The following ST8SIA1 variants were observed in gnomAD, a reference collection of about 807,000 sequenced individuals.
ST8SIA1 encodes the protein ST8 alpha-N-acetyl-neuraminide alpha-2,8-sialyltransferase 1.
A neutral mutation model predicts 35.9 loss-of-function variants in ST8SIA1; 16 were observed. The ratio of observed to expected loss-of-function variants is 0.45; its 90% confidence interval spans 0.30 to 0.68. ST8SIA1 has a LOEUF of 0.68. Ranked by LOEUF, ST8SIA1 falls within the 30% of genes least tolerant of loss-of-function variation. The pLI is 0.09. For missense variants in ST8SIA1, 383 were observed against 453.6 expected, an observed-to-expected ratio of 0.84 and a Z score of 1.41; for synonymous variants, 170 against 169.6, an observed-to-expected ratio of 1.00 and a Z score of -0.02.
intron 2 of ST8SIA1, among the ~76,000 whole-genome samples, chr12:22,260,228 C>A (rs1865773882): frequency 6.6e-6 from 1 of 150,950 alleles, no homozygotes; most frequent in Non-Finnish European, 1.5e-5. Flanking sequence ...ATGGTGCCAT[C>A]ACGGCTCACT....
At chr12:22,239,343 A>G (rs1455687328) in intron 4 of ST8SIA1, among the ~76,000 whole-genome samples, 1 of 152,022 alleles carries the variant, frequency 6.6e-6, no homozygotes, top group African/African-American at 2.4e-5. Context: ...TTCTCATTCT[A>G]TCGTCCATGT....
chr12:22,255,804 T>G (rs1430480388), intron 2 of ST8SIA1, among the ~76,000 whole-genome samples: 1 of 152,260 alleles, frequency 6.6e-6, no homozygotes, highest in Non-Finnish European at 1.5e-5. Flanking sequence ...AGCCATTCAC[T>G]TGATAAATGT....
intron 4 of ST8SIA1, among the ~76,000 whole-genome samples, chr12:22,236,442 C>T (rs1865476502): frequency 6.6e-6 from 1 of 152,218 alleles, no homozygotes; most frequent in Non-Finnish European, 1.5e-5. Context: ...CATTTTCTTT[C>T]ACTGAAATTG....
chr12:22,332,908 C>T (rs941665220), intron 1 of ST8SIA1, among the ~76,000 whole-genome samples: 4 of 152,196 alleles, frequency 2.6e-5, no homozygotes, highest in Non-Finnish European at 5.9e-5. Context: ...TCATTTCCAA[C>T]CACCCAGACC....
At chr12:22,328,378 T>C (rs1222681117) in intron 1 of ST8SIA1, among the ~76,000 whole-genome samples, 3 of 152,306 alleles carry the variant, frequency 2.0e-5, no homozygotes, top group Non-Finnish European at 2.9e-5. Flanking sequence ...CAACTAAGAA[T>C]GAGGCACAGT....
intron 1 of ST8SIA1, among the ~76,000 whole-genome samples, chr12:22,330,093 T>C (rs1866740044): frequency 6.6e-6 from 1 of 152,176 alleles, no homozygotes; most frequent in African/African-American, 2.4e-5. Context: ...CTTCCAAATC[T>C]CTCCGCCTTG....
At chr12:22,324,520 TAC>T (rs1866648672) in intron 1 of ST8SIA1, 1 of 152,196 alleles carries the variant, frequency 6.6e-6, no homozygotes, top group Non-Finnish European at 1.5e-5. Context: ...AGACTGCATA[TAC>T]TATTACTAGA....
chr12:22,312,958 T>C (rs1866470961), intron 1 of ST8SIA1, among the ~76,000 whole-genome samples: 1 of 152,212 alleles, frequency 6.6e-6, no homozygotes, highest in Non-Finnish European at 1.5e-5. Context: ...ACATTGATAT[T>C]TTATGCCATA....
intron 1 of ST8SIA1, among the ~76,000 whole-genome samples, chr12:22,307,116 T>C (rs2135829537): frequency 6.6e-6 from 1 of 152,226 alleles, no homozygotes; most frequent in Non-Finnish European, 1.5e-5. Flanking sequence ...TTGTTTGGTC[T>C]CTGTTTTTTT....
chr12:22,301,005 T>C lies in ST8SIA1; in HGVS notation c.237-13712A>G, dbSNP rs574564695. Among the ~76,000 whole-genome samples, 10 of 152,288 alleles carry C rather than the reference T, an allele frequency of 6.6e-5. No homozygotes were observed. The South Asian group carries it at 1.2e-3, about 19-fold the overall frequency. Reference sequence around the variant, plus strand: ...GTTCCAAAATTATGAGACACTCCTATCATTCTGATATGACTTAGTGTACAT... The same window carrying C: ...GTTCCAAAATTATGAGACACTCCTACCATTCTGATATGACTTAGTGTACAT... On this transcript the variant is annotated intron_variant, in intron 1 of 4. Coordinates refer to ENST00000396037, the MANE Select transcript of ST8SIA1 (RefSeq NM_003034.4).
chr12:22,271,862 T>A (rs1298298706), intron 2 of ST8SIA1, among the ~76,000 whole-genome samples: 1 of 152,186 alleles, frequency 6.6e-6, no homozygotes, highest in Non-Finnish European at 1.5e-5. Flanking sequence ...AAGATCCCCA[T>A]GGTATGACAT....
chr12:22,295,086 AG>A (rs1346551615), intron 1 of ST8SIA1, among the ~76,000 whole-genome samples: 3 of 152,170 alleles, frequency 2.0e-5, no homozygotes, highest in Admixed American at 6.5e-5. Flanking sequence ...GGGCAGAGGT[AG>A]GGGGGACACC....
At chr12:22,306,470 T>C (rs540953113) in intron 1 of ST8SIA1, among the ~76,000 whole-genome samples, 22 of 152,206 alleles carry the variant, frequency 1.4e-4, no homozygotes, top group Non-Finnish European at 2.6e-4. Context: ...AACCACTTCC[T>C]AGTTTGGCTG....
At chr12:22,290,510 C>G (rs1215698547) in intron 1 of ST8SIA1, among the ~76,000 whole-genome samples, 2 of 152,120 alleles carry the variant, frequency 1.3e-5, no homozygotes, top group Non-Finnish European at 2.9e-5. Context: ...GATCTTCCTT[C>G]TGAAAACATA....
intron 1 of ST8SIA1, among the ~76,000 whole-genome samples, chr12:22,308,173 T>C (rs1422284465): frequency 6.6e-6 from 1 of 152,350 alleles, no homozygotes; most frequent in African/African-American, 2.4e-5. Context: ...AATTTTCATC[T>C]TATATGTTTT....
chr12:22,218,850 TAAA>T (rs1216638342), intron 4 of ST8SIA1, among the ~76,000 whole-genome samples: 1 of 151,312 alleles, frequency 6.6e-6, no homozygotes, highest in Non-Finnish European at 1.5e-5. Context: ...TAAAATAAAA[TAAA>T]AAAGAAATAG....
At chr12:22,257,555 G>A (rs1865742571) in intron 2 of ST8SIA1, among the ~76,000 whole-genome samples, 1 of 151,664 alleles carries the variant, frequency 6.6e-6, no homozygotes, top group African/African-American at 2.4e-5. Flanking sequence ...GGGTGATCAG[G>A]GAGGAGTTCA....
At chr12:22,217,191 A>G (rs765843729) in intron 4 of ST8SIA1, among the ~76,000 whole-genome samples, 1 of 152,188 alleles carries the variant, frequency 6.6e-6, no homozygotes, top group African/African-American at 2.4e-5. Flanking sequence ...TGTTTTGACC[A>G]TAGGTGTTCA....
At chr12:22,209,967 C>T (rs373126031) in intron 4 of ST8SIA1, among the ~76,000 whole-genome samples, 3 of 152,122 alleles carry the variant, frequency 2.0e-5, no homozygotes, top group African/African-American at 7.2e-5. Flanking sequence ...GTGCCTGGCA[C>T]GTGGCATTAA....
Sources: allele counts gnomAD v4.1 joint callset (sites outside exome capture counted in the v4.1 genomes callset), GRCh38; gene constraint gnomAD v4.1.1; transcripts MANE v1.5; gene names NCBI Gene and HGNC (gene_info 2026-07-23, HGNC 2026-07-21).